Variants in INSL6 observed in about 807,000 individuals in gnomAD.
INSL6 encodes the protein insulin-like peptide INSL6.
Under a neutral mutation model 9.4 loss-of-function variants are expected in INSL6, and 16 were observed. That is an observed-to-expected ratio of 1.70 (90% CI 1.15 to 2.59). The LOEUF is 2.59. Among genes scored for constraint, INSL6 ranks in the 30% most tolerant of loss-of-function variants. The pLI, the probability that INSL6 is intolerant of heterozygous loss-of-function variation, is 0.00. For synonymous variants in INSL6, 154 were observed against 96.9 expected, an observed-to-expected ratio of 1.59 and a Z score of -3.46; for missense variants, 391 against 257.3, an observed-to-expected ratio of 1.52 and a Z score of -3.56.
the INSL6 span, among the ~76,000 whole-genome samples, chr9:5,086,545 TC>T: frequency 6.6e-6 from 1 of 152,314 alleles, no homozygotes; most frequent in East Asian, 1.9e-4. Flanking sequence ...CTCATTGTTT[TC>T]TCATCACCTT....
At chr9:5,111,760 C>G in the INSL6 span, 1 of 422,026 alleles carries the variant, frequency 2.4e-6, no homozygotes, top group Non-Finnish European at 4.7e-6. Context: ...GAGAAGTGAA[C>G]GGTGGGCTTC....
chr9:5,020,516 C>T, the INSL6 span, among the ~76,000 whole-genome samples: 7 of 152,064 alleles, frequency 4.6e-5, no homozygotes, highest in Non-Finnish European at 7.4e-5. Context: ...TGCCCTGATG[C>T]TGGGGAGGGT....
the INSL6 span, chr9:5,097,863 G>C: frequency 2.0e-5 from 3 of 152,226 alleles, no homozygotes; most frequent in African/African-American, 7.2e-5. Context: ...CCATTCTCAG[G>C]TTATATGCTT....
the INSL6 span, among the ~76,000 whole-genome samples, chr9:5,059,973 C>G: frequency 6.6e-6 from 1 of 152,042 alleles, no homozygotes; most frequent in Admixed American, 6.6e-5. Flanking sequence ...TATAGACATA[C>G]GTCAGAGATA....
chr9:5,126,760 T>G lies in INSL6; in HGVS notation c.*11-2249A>C, dbSNP rs1049161279. 4 of 1,609,768 alleles carry G rather than the reference T, an allele frequency of 2.5e-6. No homozygotes were observed. The highest frequency in any genetic ancestry group is 2.5e-6 in the Non-Finnish European group (3 of 1,176,824). ...TCCTTTAGGGATCTAGCTCTTCGAG[T>G]GGATCAAATAAGGGATAACATGGCT... is the stretch of plus-strand genomic sequence containing the variant. On this transcript the variant is annotated intron_variant, in intron 3 of 3. Coordinates refer to the INSL6 transcript ENST00000649639.
the INSL6 span, among the ~76,000 whole-genome samples, chr9:5,052,059 C>T: frequency 6.6e-6 from 1 of 151,970 alleles, no homozygotes; most frequent in African/African-American, 2.4e-5. Context: ...GGAAGAGTAT[C>T]TTAGATGTCG....
chr9:5,180,327 G>C (rs994645181), intron 1 of INSL6, among the ~76,000 whole-genome samples: 3 of 152,116 alleles, frequency 2.0e-5, no homozygotes, highest in African/African-American at 7.2e-5. Flanking sequence ...CCTTGAAAAA[G>C]AACAGAATAA....
downstream of INSL6, among the ~76,000 whole-genome samples, chr9:5,123,706 A>C (rs10974967): frequency 0.062 from 9,457 of 151,950 alleles, 437 homozygotes; most frequent in Non-Finnish European, 0.1. Context: ...TTCTATATTT[A>C]GGTCTCTGAG....
At chr9:5,069,887 G>A in the INSL6 span, 2 of 1,368,934 alleles carry the variant, frequency 1.5e-6, no homozygotes, top group South Asian at 1.4e-5. Flanking sequence ...TACTTTCAGT[G>A]TATTTTGAAG....
the INSL6 span, among the ~76,000 whole-genome samples, chr9:5,117,448 A>G: frequency 6.6e-6 from 1 of 152,180 alleles, no homozygotes; most frequent in South Asian, 2.1e-4. Context: ...CTGTGAAGTA[A>G]AAAATATTTT....
At chr9:5,061,969 A>G in the INSL6 span, among the ~76,000 whole-genome samples, 1 of 152,164 alleles carries the variant, frequency 6.6e-6, no homozygotes, top group Non-Finnish European at 1.5e-5. Context: ...GAGGAGAGGG[A>G]AAAAGAAAGG....
intron 2 of INSL6, among the ~76,000 whole-genome samples, chr9:5,144,219 T>C (rs549699086): frequency 2.0e-5 from 3 of 152,360 alleles, no homozygotes; most frequent in Admixed American, 6.5e-5. Flanking sequence ...TTCTCATTAG[T>C]TGCAAAGAAT....
the INSL6 span, among the ~76,000 whole-genome samples, chr9:5,027,056 G>T: frequency 6.6e-6 from 1 of 152,160 alleles, no homozygotes. Flanking sequence ...GCAACCACAT[G>T]CAAGCATGGA....
the INSL6 span, among the ~76,000 whole-genome samples, chr9:5,062,500 T>TAAAAAAAAAAAAAAAAAAAAAAAAA: frequency 2.9e-4 from 17 of 58,248 alleles, 4 homozygotes; most frequent in African/African-American, 1.7e-3. Flanking sequence ...CTTCCATTTG[T>TAAAAAAAAAAAAAAAAAAAAAAAAA]AAAAAAAAAA....
chr9:5,177,693 C>G (rs1289326210), intron 1 of INSL6, among the ~76,000 whole-genome samples: 4 of 152,196 alleles, frequency 2.6e-5, no homozygotes, highest in African/African-American at 7.2e-5. Context: ...AAAGCAAAAG[C>G]TGGAGTCCAC....
intron 1 of INSL6, among the ~76,000 whole-genome samples, chr9:5,172,484 T>G (rs1333598580): frequency 6.6e-6 from 1 of 152,130 alleles, no homozygotes; most frequent in Non-Finnish European, 1.5e-5. Flanking sequence ...CTAAAGAACT[T>G]CTGCACAGCA....
chr9:5,184,598 G>A (rs1363038056), intron 1 of INSL6, among the ~76,000 whole-genome samples: 2 of 152,110 alleles, frequency 1.3e-5, no homozygotes, highest in Non-Finnish European at 2.9e-5. Flanking sequence ...TGGTATATAG[G>A]GCTGACTTTA....
At chr9:5,160,982 T>C (rs897715786), downstream of INSL6, among the ~76,000 whole-genome samples, 1 of 152,286 alleles carries the variant, frequency 6.6e-6, no homozygotes, top group Admixed American at 6.5e-5. Flanking sequence ...TCAGGACCGA[T>C]AGTTTCACTG....
intron 1 of INSL6, among the ~76,000 whole-genome samples, chr9:5,176,974 A>G (rs1269516143): frequency 2.0e-5 from 3 of 152,226 alleles, no homozygotes; most frequent in East Asian, 3.8e-4. Flanking sequence ...TGATACTGTA[A>G]AAGTTTCCAT....
Sources: allele counts gnomAD v4.1 joint callset (sites outside exome capture counted in the v4.1 genomes callset), GRCh38; gene constraint gnomAD v4.1.1; transcripts MANE v1.5; gene names NCBI Gene and HGNC (gene_info 2026-07-23, HGNC 2026-07-21).